Variants in PLEKHA6 observed in about 807,000 individuals in gnomAD.
The protein encoded by PLEKHA6 is pleckstrin homology domain containing A6.
In PLEKHA6, 60 loss-of-function variants were observed where a neutral mutation model predicts 116.7. The ratio of observed to expected loss-of-function variants is 0.51; its 90% CI spans 0.42 to 0.64. The LOEUF is 0.64. Among genes scored for constraint, PLEKHA6 ranks in the 30% least tolerant of loss-of-function variants. The pLI, the probability that PLEKHA6 is intolerant of heterozygous loss-of-function variation, is 0.00. For synonymous variants in PLEKHA6, 489 were observed against 556.1 expected, an observed-to-expected ratio of 0.88 and a Z score of 1.70; for missense variants, 1,338 against 1,422.7, an observed-to-expected ratio of 0.94 and a Z score of 0.96.
intron 12 of PLEKHA6, among the ~76,000 whole-genome samples, chr1:204,247,966 ATTT>A (rs1663982722): frequency 6.6e-6 from 1 of 150,538 alleles, no homozygotes; most frequent in South Asian, 2.1e-4. Context: ...AAAAAAAAAA[ATTT>A]AAGTGGAGGT....
chr1:204,263,745 GGT>G (rs150607608), intron 6 of PLEKHA6, among the ~76,000 whole-genome samples: 2 of 151,160 alleles, frequency 1.3e-5, no homozygotes, highest in African/African-American at 2.4e-5. Context: ...TGTGTGTGTG[GGT>G]GTGTGTGTGT....
intron 17 of PLEKHA6, among the ~76,000 whole-genome samples, chr1:204,240,195 A>G (rs1238540244): frequency 1.3e-5 from 2 of 152,234 alleles, no homozygotes; most frequent in African/African-American, 4.8e-5. Context: ...GGCATCTCTT[A>G]GTATTAAGAG....
intron 1 of PLEKHA6, among the ~76,000 whole-genome samples, chr1:204,318,407 T>C (rs1285150653): frequency 6.6e-6 from 1 of 152,194 alleles, no homozygotes; most frequent in Non-Finnish European, 1.5e-5. Context: ...AGCTAAGAAG[T>C]AGCAGGGCCT....
chr1:204,282,542 C>T (rs1381780191), intron 1 of PLEKHA6: 1 of 625,992 alleles, frequency 1.6e-6, no homozygotes, highest in Non-Finnish European at 2.0e-6. Flanking sequence ...AGAGTTAATG[C>T]CTGGCACCAC....
At chr1:204,369,624 T>A (rs1294192938) in intron 2 of PLEKHA6, 1 of 152,262 alleles carries the variant, frequency 6.6e-6, no homozygotes, top group Non-Finnish European at 1.5e-5. Flanking sequence ...AGTGCTTATA[T>A]TCCCATCCAG....
intron 1 of PLEKHA6, among the ~76,000 whole-genome samples, chr1:204,282,236 C>T (rs116781538): frequency 0.013 from 1,994 of 152,256 alleles, 42 homozygotes; most frequent in African/African-American, 0.045. Context: ...TGTGTGTGCA[C>T]GCACGTGTGT....
intron 1 of PLEKHA6, among the ~76,000 whole-genome samples, chr1:204,287,234 C>CTTT (rs368394401): frequency 7.0e-6 from 1 of 143,780 alleles, no homozygotes; most frequent in South Asian, 2.2e-4. Context: ...CAGTCTCCCT[C>CTTT]TTTTTTTTTT....
chr1:204,267,210 C>T (rs1260864410), intron 5 of PLEKHA6, among the ~76,000 whole-genome samples: 1 of 152,182 alleles, frequency 6.6e-6, no homozygotes, highest in African/African-American at 2.4e-5. Flanking sequence ...GCCATATGAC[C>T]ACCTTGTTCA....
In PLEKHA6 at chr1:204,222,041, T is replaced by TCTCTCC. The variant is rs1246583329; in HGVS notation, c.*746_*747insGGAGAG. ...GAGGATCTCTCTCTCTCTCTCTCTCTCTCTCTCTTTCTGTCTCTCTCTCTC... is the reference window on the plus strand; with the variant it reads ...GAGGATCTCTCTCTCTCTCTCTCTCTCTCTCCCTCTCTCTTTCTGTCTCTCTCTCTC... On this transcript the variant is annotated 3_prime_UTR_variant, in exon 23 of 23. Transcript: ENST00000272203. The TCTCTCC allele has an allele frequency of 6.5e-6, 1 of 153,102 alleles. No homozygotes were observed. The highest frequency in any genetic ancestry group is 2.4e-5 in the African/African-American group (1 of 41,118). The allele number at this position is 153,102 out of a possible 1,614,324, so 9.5% of individuals were successfully genotyped here.
chr1:204,230,423 G>A lies in PLEKHA6; in HGVS notation c.2573C>T (p.Ala858Val). ...CTGGGAAGGCATTACCACTTTGTAG[G>A]CTGGCCGGGGACTGGGGTCGGGGGC... ...SPAPDPSPRP[A>V]YKVVRRHRSI... Residue 858 changes from alanine to valine, a missense_variant, in exon 18 of 23, where the codon GCC (alanine) becomes GTC (valine). By Grantham distance (64) the Ala-to-Val change is moderately conservative (BLOSUM62 0). Transcript: ENST00000272203. The A allele has an allele frequency of 6.3e-7, 1 of 1,579,752 alleles. No individual in the cohort carries two copies. The highest frequency in any genetic ancestry group is 8.6e-7 in the Non-Finnish European group (1 of 1,163,720).
intron 1 of PLEKHA6, chr1:204,275,730 C>A (rs1162714378): frequency 1.0e-6 from 1 of 984,764 alleles, no homozygotes; most frequent in South Asian, 4.7e-5. Context: ...ATAATGGCAA[C>A]CCCCAAGATG....
chr1:204,222,948 A>T (rs79044877), intron 22 of PLEKHA6, among the ~76,000 whole-genome samples, 169 bp from the exon 23 acceptor site: 2,411 of 152,310 alleles, frequency 0.016, 33 homozygotes, highest in Non-Finnish European at 0.022. Context: ...GTTCTTTTCT[A>T]CTTGACTGAG....
chr1:204,339,324 T>C (rs962596236), intron 1 of PLEKHA6, among the ~76,000 whole-genome samples: 1 of 152,214 alleles, frequency 6.6e-6, no homozygotes, highest in African/African-American at 2.4e-5. Flanking sequence ...TAGAGAACCC[T>C]GAGAGACAGG....
chr1:204,372,510 G>T (rs1398001363), intron 1 of PLEKHA6, among the ~76,000 whole-genome samples: 2 of 152,146 alleles, frequency 1.3e-5, no homozygotes, highest in African/African-American at 4.8e-5. Flanking sequence ...CTTTAGGATG[G>T]CATCTTGGAG....
At chr1:204,263,570 G>T (rs182149210) in intron 6 of PLEKHA6, among the ~76,000 whole-genome samples, 2 of 152,138 alleles carry the variant, frequency 1.3e-5, no homozygotes, top group African/African-American at 4.8e-5. Flanking sequence ...GGAAGGAGGC[G>T]AGGGGCTGGT....
chr1:204,368,305 C>A (rs962316888), intron 2 of PLEKHA6: 2 of 152,184 alleles, frequency 1.3e-5, no homozygotes, highest in African/African-American at 4.8e-5. Context: ...ATCATTAACA[C>A]CTAAGATCCG....
chr1:204,355,640 A>T (rs1673393214), intron 1 of PLEKHA6, among the ~76,000 whole-genome samples: 1 of 150,890 alleles, frequency 6.6e-6, no homozygotes, highest in African/African-American at 2.4e-5. Context: ...GGGTTTCACC[A>T]TGTTGACCAG....
intron 1 of PLEKHA6, among the ~76,000 whole-genome samples, chr1:204,375,092 G>A (rs185017722): frequency 2.0e-5 from 3 of 151,990 alleles, no homozygotes; most frequent in African/African-American, 7.2e-5. Context: ...CAACCTCTCG[G>A]TCTTACTCTC....
Position 204,276,541 on chromosome 1 carries a change from C to T in PLEKHA6, c.-94-1732G>A, listed in dbSNP as rs1022208405. On this transcript the variant is annotated intron_variant, in intron 1 of 22. Coordinates refer to ENST00000272203, the MANE Select transcript of PLEKHA6 (RefSeq NM_014935.5). ...AGTTGTCTGCTTTTTCTCAGTGGTG[C>T]AGGGCACCCGCCCCCTGCCCTGACC... Among the ~76,000 whole-genome samples, 3 of 151,948 alleles carry T rather than the reference C, an allele frequency of 2.0e-5. No homozygotes were observed. The East Asian group carries it at 5.8e-4, about 29-fold the overall frequency.
Sources: allele counts gnomAD v4.1 joint callset (sites outside exome capture counted in the v4.1 genomes callset), GRCh38; gene constraint gnomAD v4.1.1; transcripts MANE v1.5; gene names NCBI Gene and HGNC (gene_info 2026-07-23, HGNC 2026-07-21).